The following ZBTB46 variants were observed in gnomAD, a reference collection of about 807,000 sequenced individuals.
ZBTB46 encodes zinc finger and BTB domain containing 46, also known as zinc finger and BTB domain-containing protein 46.
Under a neutral mutation model 44.1 loss-of-function variants are expected in ZBTB46, and 8 were observed. The ratio of observed to expected loss-of-function variants is 0.18; its 90% CI spans 0.11 to 0.33. The LOEUF is 0.33. ZBTB46 is among the 10% of genes least tolerant of loss of function. The pLI is 1.00. For missense variants in ZBTB46, 651 were observed against 847.7 expected, an observed-to-expected ratio of 0.77 and a Z score of 2.88; for synonymous variants, 409 against 382.3, an observed-to-expected ratio of 1.07 and a Z score of -0.81.
At chr20:63,796,434 A>G (rs1412313857) in intron 1 of ZBTB46, among the ~76,000 whole-genome samples, 1 of 152,046 alleles carries the variant, frequency 6.6e-6, no homozygotes, top group Non-Finnish European at 1.5e-5. Flanking sequence ...TCAAACATCA[A>G]CTCACACTGT....
chr20:63,782,608 T>G (rs945262345), intron 2 of ZBTB46, among the ~76,000 whole-genome samples: 4 of 152,102 alleles, frequency 2.6e-5, no homozygotes, highest in Non-Finnish European at 5.9e-5. Context: ...CAGGAGAGCC[T>G]CACAGCCCTG....
intron 1 of ZBTB46, among the ~76,000 whole-genome samples, chr20:63,817,304 G>C (rs1286702067): frequency 6.6e-6 from 1 of 152,142 alleles, no homozygotes; most frequent in Non-Finnish European, 1.5e-5. Flanking sequence ...TACTTGGGAG[G>C]CTGAGGCAAG....
intron 2 of ZBTB46, among the ~76,000 whole-genome samples, chr20:63,786,926 T>C (rs1239034592): frequency 6.6e-6 from 1 of 152,188 alleles, no homozygotes; most frequent in African/African-American, 2.4e-5. Context: ...AAAAGGGATT[T>C]TGGGCCTGAG....
At chr20:63,796,607 C>A (rs997708953) in intron 1 of ZBTB46, among the ~76,000 whole-genome samples, 2 of 152,200 alleles carry the variant, frequency 1.3e-5, no homozygotes, top group African/African-American at 4.8e-5. Flanking sequence ...GGGCGGATCA[C>A]CTGAGGTCAG....
chr20:63,756,029 A>G (rs1168867835), intron 3 of ZBTB46, among the ~76,000 whole-genome samples: 1 of 152,212 alleles, frequency 6.6e-6, no homozygotes, highest in Non-Finnish European at 1.5e-5. Flanking sequence ...CTGCGACTGT[A>G]CAGAATTGCC....
rs959735892 is a variant in ZBTB46, at chr20:63,787,406, C to T, written c.937+2415G>A. ...GTTCTGTCCTCAGCCTTCATGTTCC[C>T]TCAGCACTCGCTCACCCAGGGCAAC... On this transcript the variant is annotated intron_variant, in intron 2 of 4. Transcript: ENST00000245663. This position sits in a 1 kb window ranked among gnomAD's most constrained non-coding sequence, Gnocchi z 4.6. 3.9e-5 allele frequency among the ~76,000 whole-genome samples: 6 copies of T among 152,248 alleles called. No individual in the cohort carries two copies. The highest frequency in any genetic ancestry group is 5.9e-5 in the Non-Finnish European group (4 of 68,046).
chr20:63,777,941 G>T (rs2092438876), intron 2 of ZBTB46, among the ~76,000 whole-genome samples: 1 of 152,162 alleles, frequency 6.6e-6, no homozygotes, highest in African/African-American at 2.4e-5. Context: ...GCCAGACACA[G>T]AAGGCCACAT....
Position 63,744,510 on chromosome 20 carries a change from A to T in ZBTB46, c.*2420T>A, listed in dbSNP as rs1049678606. ...AACAAAAATACAAAATGTGAAATGTAATCTACACATTTTTCCTCTTCATAA... is the reference window on the plus strand; with the variant it reads ...AACAAAAATACAAAATGTGAAATGTTATCTACACATTTTTCCTCTTCATAA... On this transcript the variant is annotated 3_prime_UTR_variant, in exon 5 of 5. Transcript: ENST00000245663. 3 of 151,722 alleles carry T rather than the reference A, an allele frequency of 2.0e-5. No individual in the cohort carries two copies. Among genetic ancestry groups the T allele is most frequent in the East Asian group, 3.8e-4 (2 of 5,254 alleles). The allele number at this position is 151,722 out of a possible 1,614,324, so 9.4% of individuals were successfully genotyped here. A position where few individuals can be genotyped will look rare whatever the true frequency, so the allele number is the denominator to read the frequency against.
chr20:63,831,395 C>G (rs1213825947), upstream of ZBTB46, among the ~76,000 whole-genome samples: 2 of 142,656 alleles, frequency 1.4e-5, no homozygotes, highest in Admixed American at 6.9e-5. Context: ...CCGGCCGCGG[C>G]CACCGCCCCG....
intron 2 of ZBTB46, among the ~76,000 whole-genome samples, chr20:63,777,527 G>A (rs2092435723): frequency 6.6e-6 from 1 of 152,144 alleles, no homozygotes; most frequent in Non-Finnish European, 1.5e-5. Context: ...TCAGAACCCT[G>A]GAACCTTGCT....
chr20:63,749,631 C>T (rs1287376970), intron 4 of ZBTB46, among the ~76,000 whole-genome samples: 1 of 152,250 alleles, frequency 6.6e-6, no homozygotes, highest in African/African-American at 2.4e-5. Context: ...CCACCGCGCC[C>T]AGCCTGTTTT....
rs999247356 is a variant in ZBTB46 at position 63,743,891 on chromosome 20, A to G, written c.*3039T>C. Reference sequence around the variant, plus strand: ...TCCCCCAATAGTAGACACATCTCCAATACAAACACAGGTTTATAATAAGTA... The same window carrying G: ...TCCCCCAATAGTAGACACATCTCCAGTACAAACACAGGTTTATAATAAGTA... On this transcript the variant is annotated 3_prime_UTR_variant, in exon 5 of 5. Coordinates refer to ENST00000245663, the MANE Select transcript of ZBTB46 (RefSeq NM_001369741.1). The G allele has an allele frequency of 2.0e-5, 3 of 152,612 alleles. No individual in the cohort carries two copies. Among genetic ancestry groups the G allele is most frequent in the Non-Finnish European group, 4.4e-5 (3 of 68,048 alleles). 9.5% of individuals were successfully genotyped at this position (152,612 alleles called of 1,614,324 possible).
At chr20:63,807,494 G>GC (rs1402052878) in intron 1 of ZBTB46, among the ~76,000 whole-genome samples, 3 of 152,080 alleles carry the variant, frequency 2.0e-5, no homozygotes, top group Non-Finnish European at 4.4e-5. Context: ...ACAGGCGCAC[G>GC]CCAGCATACC....
At chr20:63,822,805 GGAGTTT>G (rs2146090728) in intron 1 of ZBTB46, among the ~76,000 whole-genome samples, 1 of 152,190 alleles carries the variant, frequency 6.6e-6, no homozygotes, top group Non-Finnish European at 1.5e-5. Context: ...CTTGAGCCCA[GGAGTTT>G]GAGACCAGCC....
chr20:63,813,196 C>T (rs1442054137), intron 1 of ZBTB46, among the ~76,000 whole-genome samples: 2 of 152,130 alleles, frequency 1.3e-5, no homozygotes, highest in East Asian at 3.9e-4. Context: ...CACCTGTAAT[C>T]CCAGCACTTT....
chr20:63,823,888 G>GTGTGTGTGTGTGTGTGTGTGT (rs1414023978), intron 1 of ZBTB46, among the ~76,000 whole-genome samples: 171 of 151,660 alleles, frequency 1.1e-3, no homozygotes, highest in African/African-American at 3.6e-3. Flanking sequence ...GTGTGTGTGT[G>GTGTGTGTGTGTGTGTGTGTGT]TTCTTTGGGA....
At chr20:63,793,053 T>G (rs1346920859) in intron 1 of ZBTB46, among the ~76,000 whole-genome samples, 2 of 152,222 alleles carry the variant, frequency 1.3e-5, no homozygotes, top group African/African-American at 2.4e-5. Context: ...GCACGAGGGC[T>G]GTGACGGCGG....
At chr20:63,808,167 A>AC (rs2092694012) in intron 1 of ZBTB46, 1 of 152,688 alleles carries the variant, frequency 6.5e-6, no homozygotes, top group Admixed American at 6.5e-5. Context: ...TAAGGACCCC[A>AC]CCCAGATTAC....
chr20:63,826,097 C>T (rs1400826751), intron 1 of ZBTB46, among the ~76,000 whole-genome samples: 1 of 152,354 alleles, frequency 6.6e-6, no homozygotes, highest in East Asian at 1.9e-4. Flanking sequence ...TCGTGTGCAG[C>T]GATATGCCAG....
Sources: allele counts gnomAD v4.1 joint callset (sites outside exome capture counted in the v4.1 genomes callset), GRCh38; gene constraint gnomAD v4.1.1; non-coding constraint Gnocchi (gnomAD v3.1); transcripts MANE v1.5; gene names NCBI Gene and HGNC (gene_info 2026-07-23, HGNC 2026-07-21).